Variants in CA2 observed in about 807,000 individuals in gnomAD.
CA2 encodes the protein carbonate dehydratase II.
A neutral mutation model predicts 27.8 loss-of-function variants in CA2; 23 were observed. That is an observed-to-expected ratio of 0.83 (90% CI 0.59 to 1.17). The LOEUF (loss-of-function observed/expected upper bound fraction) is 1.17. Among genes scored for constraint, CA2 ranks in the 50% most tolerant of loss-of-function variants. CA2 has a pLI of 0.00. For missense variants in CA2, 300 were observed against 314.7 expected (o/e 0.95, Z 0.35); for synonymous variants, 99 against 114.9 (o/e 0.86, Z 0.88).
chr8:85,480,890 C>A lies in CA2; in HGVS notation c.*101C>A. The A allele has an allele frequency of 1.7e-6, 2 of 1,206,064 alleles. No homozygotes were observed. Among genetic ancestry groups the A allele is most frequent in the Non-Finnish European group, 2.4e-6 (2 of 823,564 alleles). 74.7% of individuals were successfully genotyped at this position (1,206,064 alleles called of 1,614,324 possible). On this transcript the variant is annotated 3_prime_UTR_variant, in exon 7 of 7. Transcript: ENST00000285379. ...GATTTGGACCCTGGTTGCTTTGTGTCTAGTTTTCTAGACCCTTCATCTCTT... is the reference window on the plus strand; with the variant it reads ...GATTTGGACCCTGGTTGCTTTGTGTATAGTTTTCTAGACCCTTCATCTCTT...
intron 1 of CA2, 62 bp downstream of exon 1, chr8:85,464,177 C>G: frequency 6.8e-7 from 1 of 1,460,438 alleles, no homozygotes; most frequent in Non-Finnish European, 9.2e-7. Flanking sequence ...TCCCCGATCC[C>G]CGAGCCCGGA....
intron 5 of CA2, among the ~76,000 whole-genome samples, chr8:85,476,890 A>C (rs1205507441): frequency 4.6e-5 from 7 of 151,920 alleles, no homozygotes; most frequent in African/African-American, 1.7e-4. Flanking sequence ...AAAAATGGAC[A>C]TGTGAAAATA....
intron 2 of CA2, among the ~76,000 whole-genome samples, chr8:85,466,142 A>G (rs1460997174): frequency 6.7e-6 from 1 of 149,122 alleles, no homozygotes; most frequent in East Asian, 1.9e-4. Context: ...AAAAAAAAAA[A>G]AAGAAAGAGA....
At chr8:85,467,448 G>T (rs1167069196) in intron 2 of CA2, among the ~76,000 whole-genome samples, 1 of 152,192 alleles carries the variant, frequency 6.6e-6, no homozygotes, top group Non-Finnish European at 1.5e-5. Context: ...CCAGTGCCTG[G>T]CGCATAGAAG....
chr8:85,478,408 G>A (rs931228855), intron 6 of CA2, among the ~76,000 whole-genome samples: 6 of 152,212 alleles, frequency 3.9e-5, no homozygotes, highest in African/African-American at 1.4e-4. Context: ...TTCTTGAAGT[G>A]TAGCGTAAGG....
At position 85,473,695 on chromosome 8, in the gene CA2, C is replaced by G; in HGVS notation, c.235C>G (p.Leu79Val). The G allele has an allele frequency of 6.5e-7, 1 of 1,532,324 alleles. No individual in the cohort carries two copies. The highest frequency in any genetic ancestry group is 9.0e-7 in the Non-Finnish European group (1 of 1,105,832). The allele number at this position is 1,532,324 out of a possible 1,614,324, so 94.9% of individuals were successfully genotyped here. ...ATATATATATGTTTTAATTTTAGTG[C>G]TCAAGGGAGGACCCCTGGATGGCAC... ...EFDDSQDKAV[L>V]KGGPLDGTYR... The change falls in exon 3 of 7, where the codon CTC (leucine) becomes GTC (valine). Residue 79 changes from leucine to valine, a missense_variant and splice_region_variant. Around this residue, in one of 3 missense-constraint regions of CA2, gnomAD observed 122 missense variants for 133.2 expected, o/e 0.92. Transcript: ENST00000285379.
intron 2 of CA2, among the ~76,000 whole-genome samples, chr8:85,471,207 GC>G (rs1396682651): frequency 6.6e-6 from 1 of 152,076 alleles, no homozygotes. Context: ...CTAAGAGTTT[GC>G]CAGAAATGCT....
Position 85,480,740 on chromosome 8 carries a change from G to A in CA2, c.734G>A (p.Arg245His), listed in dbSNP as rs1271939346. The stretch of plus-strand genomic sequence containing the variant: ...GAAGAACTGATGGTGGACAACTGGC[G>A]CCCAGCTCAGCCACTGAAGAACAGG... ...EPEELMVDNW[R>H]PAQPLKNRQI... The change falls in exon 7 of 7, where the codon CGC becomes CAC. Residue 245 changes from arginine to histidine, a missense_variant. Transcript: ENST00000285379. 3 of 1,613,848 alleles carry A rather than the reference G, an allele frequency of 1.9e-6. No individual in the cohort carries two copies. The highest frequency in any genetic ancestry group is 2.5e-6 in the Non-Finnish European group (3 of 1,179,862).
At chr8:85,474,786 G>A (rs1310454781) in intron 4 of CA2, among the ~76,000 whole-genome samples, 1 of 152,204 alleles carries the variant, frequency 6.6e-6, no homozygotes, top group African/African-American at 2.4e-5. Context: ...TCAGGCAACA[G>A]TGGGACAGAA....
In CA2 at chr8:85,471,819, T is replaced by C. The variant is rs151212102; in HGVS notation, c.233-1874T>C. Among the ~76,000 whole-genome samples the C allele has an allele frequency of 9.1e-4, 139 of 152,226 alleles. 1 individual carries two copies. In the East Asian group the frequency reaches 0.024, roughly 27 times the overall value. Reference sequence around the variant, plus strand: ...AAAAAAGGGAATTATTTCATTCTTTTTTAAAAAAGTCTAGAATTAGAGGCT... The same window carrying C: ...AAAAAAGGGAATTATTTCATTCTTTCTTAAAAAAGTCTAGAATTAGAGGCT... On this transcript the variant is annotated intron_variant, in intron 2 of 6. Coordinates refer to ENST00000285379, the MANE Select transcript of CA2 (RefSeq NM_000067.3).
At chr8:85,473,672 A>G in intron 2 of CA2, 21 bp from the exon 3 acceptor site, 1 of 1,114,524 alleles carries the variant, frequency 9.0e-7, no homozygotes, top group Non-Finnish European at 1.4e-6. Context: ...TGTTACATAT[A>G]TATATATGTT....
Position 85,465,339 on chromosome 8 carries a change from C to A in CA2, c.102C>A (p.Asp34Glu), listed in dbSNP as rs201063453. 1.2e-6 allele frequency: 2 copies of A among 1,614,166 alleles called. No individual in the cohort carries two copies. The highest frequency in any genetic ancestry group is 1.7e-6 in the Non-Finnish European group (2 of 1,179,996). The change falls in exon 2 of 7, where the codon GAC (aspartate) becomes GAA (glutamate). Residue 34 changes from aspartate to glutamate, a missense_variant. Physicochemically the swap from Asp to Glu is conservative, Grantham distance 45. Transcript: ENST00000285379. ...AGCGCCAGTCCCCTGTTGACATCGACACTCATACAGCCAAGTATGACCCTT... is the reference window on the plus strand; with the variant it reads ...AGCGCCAGTCCCCTGTTGACATCGAAACTCATACAGCCAAGTATGACCCTT... ...KGERQSPVDIDTHTAKYDPSL... is the reference protein window; with the variant it reads ...KGERQSPVDIETHTAKYDPSL...
At chr8:85,464,206 A>G (rs1457640606) in intron 1 of CA2, 91 bp downstream of exon 1, 1 of 1,234,636 alleles carries the variant, frequency 8.1e-7, no homozygotes, top group Non-Finnish European at 1.1e-6. Flanking sequence ...CGGGGCCCGC[A>G]GCGCCCGCAC....
At chr8:85,468,701 A>C (rs1297799839) in intron 2 of CA2, among the ~76,000 whole-genome samples, 3 of 152,128 alleles carry the variant, frequency 2.0e-5, no homozygotes. Context: ...CGGAGGTCGC[A>C]GTGAGCCGAG....
chr8:85,474,859 T>C (rs2130560086), intron 4 of CA2, among the ~76,000 whole-genome samples: 1 of 152,296 alleles, frequency 6.6e-6, no homozygotes, highest in South Asian at 2.1e-4. Flanking sequence ...GCTGGAGATT[T>C]ATGAGCTCTG....
At chr8:85,477,393 T>C in intron 6 of CA2, 118 bp downstream of exon 6, 1 of 1,133,866 alleles carries the variant, frequency 8.8e-7, no homozygotes, top group Non-Finnish European at 1.3e-6. Flanking sequence ...CTTCTTGCTA[T>C]GGAAATAGTG....
intron 2 of CA2, among the ~76,000 whole-genome samples, chr8:85,471,978 ATTCT>A (rs1194733256): frequency 3.3e-5 from 5 of 152,176 alleles, no homozygotes; most frequent in African/African-American, 9.7e-5. Flanking sequence ...ACCATTTATA[ATTCT>A]TTCTGTTTTC....
intron 1 of CA2, chr8:85,464,917 C>A (rs1811601829): frequency 7.8e-6 from 2 of 257,942 alleles, no homozygotes; most frequent in Non-Finnish European, 7.6e-6. Context: ...CTTGCATATC[C>A]CAAAATCGCA....
rs374633451 is a variant in CA2 at position 85,478,883 on chromosome 8, T to C, written c.663+1608T>C. 1.8e-4 allele frequency among the ~76,000 whole-genome samples: 27 copies of C among 152,344 alleles called. No individual in the cohort carries two copies. The South Asian group carries it at 3.5e-3, about 20-fold the overall frequency. ...GCATTTTGAGCATCACATCTAGATA[T>C]AACCACTTCTTGAGGAGGAAATGAA... On this transcript the variant is annotated intron_variant, in intron 6 of 6. Coordinates refer to ENST00000285379, the MANE Select transcript of CA2 (RefSeq NM_000067.3).
Sources: allele counts gnomAD v4.1 joint callset (sites outside exome capture counted in the v4.1 genomes callset), GRCh38; gene constraint gnomAD v4.1.1; regional missense constraint gnomAD v4.1.1; transcripts MANE v1.5; gene names NCBI Gene and HGNC (gene_info 2026-07-23, HGNC 2026-07-21).